Variants in FER observed in about 807,000 individuals in gnomAD.
FER encodes the protein FER tyrosine kinase.
Under a neutral mutation model 111.0 loss-of-function variants are expected in FER, and 63 were observed. The ratio of observed to expected loss-of-function variants is 0.57; its 90% CI spans 0.46 to 0.70. The LOEUF (loss-of-function observed/expected upper bound fraction) is 0.70, where lower values mean the gene tolerates loss of function less well. Ranked by LOEUF, FER falls within the 30% of genes least tolerant of loss-of-function variation. FER has a pLI of 0.00. For synonymous variants in FER, 327 were observed against 313.9 expected (o/e 1.04, Z -0.44); for missense variants, 914 against 954.0 (o/e 0.96, Z 0.55).
At chr5:108,820,557 G>A in intron 3 of FER, 1 of 984,670 alleles carries the variant, frequency 1.0e-6, no homozygotes, top group Non-Finnish European at 1.2e-6. Context: ...TTTCTGGCCT[G>A]TTCTGTGTTT....
intron 16 of FER, among the ~76,000 whole-genome samples, chr5:109,067,556 A>G (rs1775262305): frequency 6.6e-6 from 1 of 152,022 alleles, no homozygotes; most frequent in African/African-American, 2.4e-5. Context: ...TTGATAAAAT[A>G]TCTTGGAGTT....
At chr5:109,008,335 C>A (rs1283586550) in intron 13 of FER, among the ~76,000 whole-genome samples, 1 of 152,164 alleles carries the variant, frequency 6.6e-6, no homozygotes, top group Admixed American at 6.5e-5. Flanking sequence ...TCCCCATTTC[C>A]CACAGCTATT....
intron 2 of FER, among the ~76,000 whole-genome samples, chr5:108,769,254 T>C (rs1340985606): frequency 1.3e-5 from 2 of 152,130 alleles, no homozygotes; most frequent in African/African-American, 2.4e-5. Flanking sequence ...ACCTATTATA[T>C]GAGAAGGAGC....
intron 10 of FER, among the ~76,000 whole-genome samples, chr5:108,944,285 A>C (rs998078797): frequency 1.9e-4 from 29 of 152,128 alleles, no homozygotes; most frequent in African/African-American, 6.8e-4. Context: ...ATCTCATCAG[A>C]ATATTATTTT....
At chr5:108,755,119 A>G (rs1483484022) in intron 1 of FER, among the ~76,000 whole-genome samples, 1 of 152,100 alleles carries the variant, frequency 6.6e-6, no homozygotes, top group African/African-American at 2.4e-5. Context: ...AAAGCTATTA[A>G]TTTTTTTGCT....
At chr5:108,777,544 T>C (rs1053153251) in intron 2 of FER, among the ~76,000 whole-genome samples, 1 of 152,172 alleles carries the variant, frequency 6.6e-6, no homozygotes, top group African/African-American at 2.4e-5. Context: ...TCATAGAGGG[T>C]AGTTTCACTG....
intron 16 of FER, among the ~76,000 whole-genome samples, chr5:109,088,222 CT>C (rs966043958): frequency 2.0e-5 from 3 of 151,990 alleles, no homozygotes; most frequent in African/African-American, 7.2e-5. Context: ...ATTGTTTCTT[CT>C]TTTGTTTTTA....
chr5:108,932,811 A>G (rs1210920205), intron 10 of FER, among the ~76,000 whole-genome samples: 6 of 149,012 alleles, frequency 4.0e-5, no homozygotes, highest in Non-Finnish European at 8.9e-5. Context: ...TGTTGGCTAC[A>G]TAAATGTCTT....
chr5:109,128,099 G>C (rs1183566251), intron 17 of FER, among the ~76,000 whole-genome samples: 1 of 152,090 alleles, frequency 6.6e-6, no homozygotes, highest in African/African-American at 2.4e-5. Context: ...AAGTGGTGCT[G>C]AGCAGCTACA....
rs1759221985 is a variant in FER at position 109,189,525 on chromosome 5, ATT to A, written c.*1951_*1952del. On this transcript the variant is annotated 3_prime_UTR_variant, in exon 20 of 20. Coordinates refer to ENST00000281092, the MANE Select transcript of FER (RefSeq NM_005246.4). ...TTCATACATACTTAATGATTAGTACATTCAGACTAAAGGGAAATTTCTTTTGA... is the reference window on the plus strand; with the variant it reads ...TTCATACATACTTAATGATTAGTACACAGACTAAAGGGAAATTTCTTTTGA... 6.6e-6 allele frequency: 1 copy of A among 152,098 alleles called. No individual in the cohort carries two copies. The highest frequency in any genetic ancestry group is 1.5e-5 in the Non-Finnish European group (1 of 67,998). The allele number at this position is 152,098 out of a possible 1,614,324, so 9.4% of individuals were successfully genotyped here.
rs1759381998 is a variant in FER at position 109,191,547 on chromosome 5, GAC to G, written c.*3974_*3975del. The stretch of plus-strand genomic sequence containing the variant: ...AACAGTGCAAAATAAGCAGCAGAGA[GAC>G]AGACAGTTGGAAAAGACATGTTTTC... On this transcript the variant is annotated 3_prime_UTR_variant, in exon 20 of 20. Transcript: ENST00000281092. 1 of 152,086 alleles carries G rather than the reference GAC, an allele frequency of 6.6e-6. No homozygotes were observed. The highest frequency in any genetic ancestry group is 1.5e-5 in the Non-Finnish European group (1 of 67,980). The allele number at this position is 152,086 out of a possible 1,614,324, so 9.4% of individuals were successfully genotyped here. A position where few individuals can be genotyped will look rare whatever the true frequency, so the allele number is the denominator to read the frequency against.
At chr5:109,140,708 C>T (rs960941076) in intron 17 of FER, among the ~76,000 whole-genome samples, 17 of 152,128 alleles carry the variant, frequency 1.1e-4, no homozygotes, top group African/African-American at 3.4e-4. Context: ...TTTAGCCTTA[C>T]GCCTTGTAAC....
intron 9 of FER, among the ~76,000 whole-genome samples, chr5:108,894,931 G>A (rs1748835569): frequency 6.6e-6 from 1 of 152,098 alleles, no homozygotes; most frequent in South Asian, 2.1e-4. Flanking sequence ...AATTAGGGGG[G>A]CTACAATTTG....
At chr5:108,860,493 G>C (rs1052469126) in intron 5 of FER, among the ~76,000 whole-genome samples, 3 of 152,302 alleles carry the variant, frequency 2.0e-5, no homozygotes, top group Non-Finnish European at 2.9e-5. Context: ...AGGAAAAGCT[G>C]AGACTAGTAC....
At position 109,125,062 on chromosome 5, in the gene FER, A is replaced by G. The variant is rs1054059317; in HGVS notation, c.2048+24543A>G. Among the ~76,000 whole-genome samples, 8 of 151,700 alleles carry G rather than the reference A, an allele frequency of 5.3e-5. No individual in the cohort carries two copies. In the East Asian group the frequency reaches 5.8e-4, roughly 11 times the overall value. On this transcript the variant is annotated intron_variant, in intron 17 of 19. Coordinates refer to ENST00000281092, the MANE Select transcript of FER (RefSeq NM_005246.4). ...CTCTGTCTCAAAAAAAAAAAAAAAA[A>G]AAGAAGAAAGATAGAAGTTGACTGC...
chr5:108,886,315 C>G (rs576963773), intron 9 of FER, among the ~76,000 whole-genome samples: 4 of 150,942 alleles, frequency 2.7e-5, no homozygotes, highest in Admixed American at 1.3e-4. Flanking sequence ...AAGAGAGGAG[C>G]CTTGAAGGGT....
At chr5:108,905,421 C>T (rs1362045883) in intron 10 of FER, among the ~76,000 whole-genome samples, 1 of 151,888 alleles carries the variant, frequency 6.6e-6, no homozygotes, top group African/African-American at 2.4e-5. Context: ...GGTGAACTAG[C>T]CCTAGAAGGA....
intron 17 of FER, among the ~76,000 whole-genome samples, chr5:109,151,025 A>G (rs59812973): frequency 0.084 from 12,800 of 152,176 alleles, 577 homozygotes; most frequent in Middle Eastern, 0.12. Context: ...AAGAATTTGT[A>G]TCTTTGGCTA....
At chr5:108,971,369 A>G (rs1341243505) in intron 13 of FER, among the ~76,000 whole-genome samples, 1 of 152,016 alleles carries the variant, frequency 6.6e-6, no homozygotes, top group African/African-American at 2.4e-5. Flanking sequence ...AATAGTAAAT[A>G]AAATACAGGC....
Sources: gnomAD v4.1 joint callset for allele counts (sites outside exome capture counted in the v4.1 genomes callset) on GRCh38, gnomAD v4.1.1 for gene constraint, MANE v1.5 for transcripts, NCBI Gene and HGNC (gene_info 2026-07-23, HGNC 2026-07-21) for gene names.